TAF1L: variants seen among roughly 807,000 people sequenced by gnomAD.
TAF1L encodes transcription initiation factor TFIID subunit 1-like.
A neutral mutation model predicts 128.8 loss-of-function variants in TAF1L; 30 were observed. That is an observed-to-expected ratio of 0.23 (90% CI 0.17 to 0.32). The LOEUF is 0.32. Ranked by LOEUF, TAF1L falls within the 10% of genes least tolerant of loss-of-function variation. The pLI is 1.00. For missense variants in TAF1L, 2,099 were observed against 2,253.7 expected (o/e 0.93, Z 1.39); for synonymous variants, 764 against 790.7 (o/e 0.97, Z 0.57).
Position 32,632,415 on chromosome 9 carries a change from C to A in TAF1L, c.3165G>T (p.Gln1055His), listed in dbSNP as rs759680332. ...TCATGGGCCCCTCTCCAGAATGAGCCTGTTCTGTTGACATTGTGCGCACCA... is the reference window on the plus strand; with the variant it reads ...TCATGGGCCCCTCTCCAGAATGAGCATGTTCTGTTGACATTGTGCGCACCA... Reference protein sequence around the residue: ...IDVVRTMSTEQAHSGEGPMSK... With the variant: ...IDVVRTMSTEHAHSGEGPMSK... The change falls in exon 1 of 1, where the codon CAG (glutamine) becomes CAT (histidine). Residue 1055 changes from glutamine (Q) to histidine (H), a missense_variant. Physicochemically the swap from Gln to His is conservative, Grantham distance 24 (BLOSUM62 0). Transcript: ENST00000242310. This position sits in a 1 kb window ranked among gnomAD's most constrained non-coding sequence, Gnocchi z 4.4. 3 of 1,614,228 alleles carry A rather than the reference C, an allele frequency of 1.9e-6. No homozygotes were observed. In the South Asian group the frequency reaches 3.3e-5, roughly 18 times the overall value.
chr9:32,634,639 T>A lies in TAF1L; in HGVS notation c.941A>T (p.Asp314Val), dbSNP rs755515633. 11 of 1,613,696 alleles carry A rather than the reference T, an allele frequency of 6.8e-6. No individual in the cohort carries two copies. The East Asian group carries it at 2.5e-4, about 36-fold the overall frequency. ...EVSQKSLWNYDYAPPPPPEQC... is the reference protein window; with the variant it reads ...EVSQKSLWNYVYAPPPPPEQC... ...CTCTGGGGGTGGTGGTGGAGCATAG[T>A]CATAGTTCCACAAAGACTTCTGGCT... The change falls in exon 1 of 1, where the codon GAC becomes GTC. Residue 314 changes from aspartate to valine, a missense_variant. By Grantham distance (152) the Asp-to-Val change is radical. This residue lies in a region of TAF1L where 473 missense variants were observed against 429.6 expected (regional missense o/e 1.10). Transcript: ENST00000242310.
In TAF1L at chr9:32,632,361, AG is replaced by A. The variant is rs1206975880; in HGVS notation, c.3218del (p.Ser1073LeufsTer82). On this transcript the variant is annotated frameshift_variant, in exon 1 of 1. Coordinates refer to ENST00000242310, the MANE Select transcript of TAF1L (RefSeq NM_153809.2). LOFTEE classifies it high-confidence loss of function. The surrounding 1 kb of genome is among the most constrained non-coding windows in gnomAD (Gnocchi z 4.4). ...TGTAACGCTCTTGATGCTCAGCCAC[AG>A]AAAACCTTGATCCACGGGCAAATTT... is the stretch of plus-strand genomic sequence containing the variant. Reference protein sequence around the residue: ...MSKFARGSRFSVAEHQERYKE... With the variant: ...MSKFARGSRFXVAEHQERYKE... The A allele has an allele frequency of 6.2e-7, 1 of 1,614,116 alleles. No homozygotes were observed. The highest frequency in any genetic ancestry group is 8.5e-7 in the Non-Finnish European group (1 of 1,180,052).
Position 32,634,530 on chromosome 9 carries a change from C to T in TAF1L, c.1050G>A (p.Val350=), listed in dbSNP as rs1340092819. ...FSQSTGDVDK[V]TDTKPRVAEW... ...CAGCCACTCTTGGTTTGGTATCTGT[C>T]ACTTTATCTACATCTCCAGTTGATT... Residue 350 remains valine (V), a synonymous_variant, in exon 1 of 1, where the codon GTG becomes GTA. Transcript: ENST00000242310. The T allele has an allele frequency of 6.2e-7, 1 of 1,614,194 alleles. No individual in the cohort carries two copies. The highest frequency in any genetic ancestry group is 2.2e-5 in the East Asian group (1 of 44,880).
Position 32,631,393 on chromosome 9 carries a change from C to T in TAF1L, c.4187G>A (p.Arg1396His), listed in dbSNP as rs377752884. 3.4e-5 allele frequency: 55 copies of T among 1,613,966 alleles called. No individual in the cohort carries two copies. Among genetic ancestry groups the T allele is most frequent in the Non-Finnish European group, 4.3e-5 (51 of 1,180,036 alleles). The change falls in exon 1 of 1, where the codon CGC becomes CAC. Residue 1396 changes from arginine to histidine, a missense_variant. Around this residue, in one of 4 missense-constraint regions of TAF1L, gnomAD observed 1,213 missense variants for 1,391.4 expected, o/e 0.87. Transcript: ENST00000242310. The surrounding 1 kb of genome is among the most constrained non-coding windows in gnomAD (Gnocchi z 4.1). ...LNIPHKSIHR[R>H]RTDPMVTLSS... The stretch of plus-strand genomic sequence containing the variant: ...CAGCGTCACCATAGGGTCTGTGCGG[C>T]GTCGGTGGATGGACTTATGAGGTAT...
In TAF1L at chr9:32,634,925, G is replaced by T; in HGVS notation, c.655C>A (p.Gln219Lys). 6.2e-7 allele frequency: 1 copy of T among 1,614,154 alleles called. No homozygotes were observed. Among genetic ancestry groups the T allele is most frequent in the Non-Finnish European group, 8.5e-7 (1 of 1,180,042 alleles). Residue 219 changes from glutamine (Q) to lysine (K), a missense_variant, in exon 1 of 1, where the codon CAG becomes AAG. Physicochemically the swap from Gln to Lys is moderately conservative, Grantham distance 53. This residue lies in a region of TAF1L where 473 missense variants were observed against 429.6 expected (regional missense o/e 1.10). Transcript: ENST00000242310. ...ESEMGPQEATQAESEDGKLTL... is the reference protein window; with the variant it reads ...ESEMGPQEATKAESEDGKLTL... The stretch of plus-strand genomic sequence containing the variant: ...AGCTTTCCATCCTCAGATTCTGCCT[G>T]TGTTGCTTCCTGAGGTCCCATCTCA...
At position 32,635,235 on chromosome 9, in the gene TAF1L, C is replaced by T; in HGVS notation, c.345G>A (p.Val115=). The change falls in exon 1 of 1, where the codon GTG becomes GTA. Residue 115 remains valine, a synonymous_variant. Transcript: ENST00000242310. ...DAVDYSDINE[V]AEDESQRHQQ... ...GGTGTCTTTGGCTTTCATCTTCTGC[C>T]ACCTCATTGATGTCTGAATAGTCTA... The T allele has an allele frequency of 6.2e-7, 1 of 1,614,146 alleles. No homozygotes were observed. Among genetic ancestry groups the T allele is most frequent in the East Asian group, 2.2e-5 (1 of 44,876 alleles).
In TAF1L at chr9:32,635,454, G is replaced by A. The variant is rs144343622; in HGVS notation, c.126C>T (p.Phe42=). The A allele has an allele frequency of 1.2e-3, 1,932 of 1,614,132 alleles. 37 individuals carry two copies. The Admixed American group carries it at 0.03, about 25-fold the overall frequency. ...GGPFTLAGIL[F]GNISGAGQLE... ...GCTGCCCCGCTCCACTGATGTTGCC[G>A]AAAAGGATACCCGCTAAAGTAAATG... The change falls in exon 1 of 1, where the codon TTC becomes TTT. Residue 42 remains phenylalanine (F), a synonymous_variant. Transcript: ENST00000242310.
chr9:32,634,816 G>T lies in TAF1L; in HGVS notation c.764C>A (p.Pro255His), dbSNP rs148568657. 71 of 1,614,178 alleles carry T rather than the reference G, an allele frequency of 4.4e-5. No individual in the cohort carries two copies. The highest frequency in any genetic ancestry group is 6.0e-5 in the Non-Finnish European group (71 of 1,180,040). Reference sequence around the variant, plus strand: ...ATGTAGGAAGCGTAACACTTTTCCAGGTCGAAATTCTGGAAAAAGTTCGGT... The same window carrying T: ...ATGTAGGAAGCGTAACACTTTTCCATGTCGAAATTCTGGAAAAAGTTCGGT... ...SVTELFPEFR[P>H]GKVLRFLHLF... The change falls in exon 1 of 1, where the codon CCT becomes CAT. Residue 255 changes from proline to histidine, a missense_variant. Coordinates refer to ENST00000242310, the MANE Select transcript of TAF1L (RefSeq NM_153809.2).
chr9:32,632,422 G>A lies in TAF1L; in HGVS notation c.3158C>T (p.Thr1053Ile), dbSNP rs1226411139. Reference protein sequence around the residue: ...EVIDVVRTMSTEQAHSGEGPM... With the variant: ...EVIDVVRTMSIEQAHSGEGPM... ...CCCCTCTCCAGAATGAGCCTGTTCT[G>A]TTGACATTGTGCGCACCACATCAAT... Residue 1053 changes from threonine (T) to isoleucine (I), a missense_variant, in exon 1 of 1, where the codon ACA becomes ATA. This residue lies in a region of TAF1L where 1,213 missense variants were observed against 1,391.4 expected (regional missense o/e 0.87). Coordinates refer to ENST00000242310, the MANE Select transcript of TAF1L (RefSeq NM_153809.2). This position sits in a 1 kb window ranked among gnomAD's most constrained non-coding sequence, Gnocchi z 4.4. 6 of 1,614,212 alleles carry A rather than the reference G, an allele frequency of 3.7e-6. No individual in the cohort carries two copies. The highest frequency in any genetic ancestry group is 1.6e-4 in the Middle Eastern group (1 of 6,062).
chr9:32,629,816 A>C lies in TAF1L; in HGVS notation c.*283T>G, dbSNP rs1822493438. ...GGGGATTACAGGCGTGCACCACCAC[A>C]CCTGGCTAATTTTTGTATTTTTAGT... On this transcript the variant is annotated 3_prime_UTR_variant, in exon 1 of 1. Transcript: ENST00000242310. 1.8e-6 allele frequency: 1 copy of C among 563,334 alleles called. No homozygotes were observed. Among genetic ancestry groups the C allele is most frequent in the Non-Finnish European group, 3.1e-6 (1 of 320,504 alleles). 34.9% of individuals were successfully genotyped at this position (563,334 alleles called of 1,614,324 possible).
chr9:32,631,257 A>C lies in TAF1L; in HGVS notation c.4323T>G (p.Thr1441=). Residue 1441 remains threonine (T), a synonymous_variant, in exon 1 of 1, where the codon ACT becomes ACG. Coordinates refer to ENST00000242310, the MANE Select transcript of TAF1L (RefSeq NM_153809.2). The surrounding 1 kb of genome is among the most constrained non-coding windows in gnomAD (Gnocchi z 4.1). The part of the protein sequence containing the change: ...KVVKDYYKII[T]RPMDLQTLRE... ...GGAGTGTTTGTAGGTCCATTGGCCGAGTGATGATTTTGTAGTAGTCCTTTA... is the reference window on the plus strand; with the variant it reads ...GGAGTGTTTGTAGGTCCATTGGCCGCGTGATGATTTTGTAGTAGTCCTTTA... 1 of 1,614,034 alleles carries C rather than the reference A, an allele frequency of 6.2e-7. No homozygotes were observed. Among genetic ancestry groups the C allele is most frequent in the Non-Finnish European group, 8.5e-7 (1 of 1,180,010 alleles).
rs775176557 is a variant in TAF1L, at chr9:32,635,202, C to G, written c.378G>C (p.Thr126=). The G allele has an allele frequency of 6.2e-7, 1 of 1,614,050 alleles. No individual in the cohort carries two copies. The highest frequency in any genetic ancestry group is 1.3e-5 in the African/African-American group (1 of 74,906). Reference sequence around the variant, plus strand: ...GGTAAAGGGGCTGCAAGCTCCCCATCGTCTGCTGGTGTCTTTGGCTTTCAT... The same window carrying G: ...GGTAAAGGGGCTGCAAGCTCCCCATGGTCTGCTGGTGTCTTTGGCTTTCAT... ...AEDESQRHQQ[T]MGSLQPLYHS... The change falls in exon 1 of 1, where the codon ACG becomes ACC. Residue 126 remains threonine (T), a synonymous_variant. Coordinates refer to ENST00000242310, the MANE Select transcript of TAF1L (RefSeq NM_153809.2).
Position 32,632,116 on chromosome 9 carries a change from G to C in TAF1L, c.3464C>G (p.Ala1155Gly). 1 of 1,614,164 alleles carries C rather than the reference G, an allele frequency of 6.2e-7. No homozygotes were observed. The highest frequency in any genetic ancestry group is 1.1e-5 in the South Asian group (1 of 91,078). The stretch of plus-strand genomic sequence containing the variant: ...ATTGTTTCCTGATGCTGCTGAGCCT[G>C]CTACCAGTAGCATTCGCCGTAGTTC... ...RKELRRMLLV[A>G]GSAASGNNHR... is the part of the protein sequence containing the mutation. The change falls in exon 1 of 1, where the codon GCA (alanine) becomes GGA (glycine). Residue 1155 changes from alanine (A) to glycine (G), a missense_variant. This residue lies in a region of TAF1L where 1,213 missense variants were observed against 1,391.4 expected (regional missense o/e 0.87). Coordinates refer to ENST00000242310, the MANE Select transcript of TAF1L (RefSeq NM_153809.2). The surrounding 1 kb of genome is among the most constrained non-coding windows in gnomAD (Gnocchi z 4.4).
chr9:32,635,399 A>C lies in TAF1L; in HGVS notation c.181T>G (p.Cys61Gly), dbSNP rs773436654. ...LEGESVLDDECKKHLAGLGAL... is the reference protein window; with the variant it reads ...LEGESVLDDEGKKHLAGLGAL... ...CCCAAGCCTGCCAAGTGCTTCTTAC[A>C]CTCATCATCCAAGACGCTTTCCCCC... The change falls in exon 1 of 1, where the codon TGT becomes GGT. Residue 61 changes from cysteine (C) to glycine (G), a missense_variant. By Grantham distance (159) the Cys-to-Gly change is radical. Coordinates refer to ENST00000242310, the MANE Select transcript of TAF1L (RefSeq NM_153809.2). 1 of 1,613,668 alleles carries C rather than the reference A, an allele frequency of 6.2e-7. No homozygotes were observed.
rs752547797 is a variant in TAF1L at position 32,630,410 on chromosome 9, C to T, written c.5170G>A (p.Asp1724Asn). 10 of 1,614,220 alleles carry T rather than the reference C, an allele frequency of 6.2e-6. No homozygotes were observed. The highest frequency in any genetic ancestry group is 8.5e-6 in the Non-Finnish European group (10 of 1,180,040). Residue 1724 changes from aspartate (D) to asparagine (N), a missense_variant, in exon 1 of 1, where the codon GAT (aspartate) becomes AAT (asparagine). Physicochemically the swap from Asp to Asn is conservative, Grantham distance 23. Coordinates refer to ENST00000242310, the MANE Select transcript of TAF1L (RefSeq NM_153809.2). ...EDSDVDVEGY[D>N]DEEEDGKPKP... is the part of the protein sequence containing the mutation. Reference sequence around the variant, plus strand: ...GGTTTCCCATCCTCCTCCTCATCATCATACCCTTCAACATCCACATCAGAG... The same window carrying T: ...GGTTTCCCATCCTCCTCCTCATCATTATACCCTTCAACATCCACATCAGAG...
rs1564010624 is a variant in TAF1L, at chr9:32,630,393, A to C, written c.5187T>G (p.Asp1729Glu). 1.2e-6 allele frequency: 2 copies of C among 1,614,112 alleles called. No homozygotes were observed. The highest frequency in any genetic ancestry group is 8.5e-7 in the Non-Finnish European group (1 of 1,180,014). The change falls in exon 1 of 1, where the codon GAT (aspartate) becomes GAG (glutamate). Residue 1729 changes from aspartate (D) to glutamate (E), a missense_variant. By Grantham distance (45) the Asp-to-Glu change is conservative. Transcript: ENST00000242310. ...CTGGGGCTGGAGGCTTAGGTTTCCC[A>C]TCCTCCTCCTCATCATCATACCCTT... ...DVEGYDDEEE[D>E]GKPKPPAPEG...
chr9:32,630,937 T>C lies in TAF1L; in HGVS notation c.4643A>G (p.His1548Arg). Residue 1548 changes from histidine to arginine, a missense_variant, in exon 1 of 1, where the codon CAT becomes CGT. Around this residue, in one of 4 missense-constraint regions of TAF1L, gnomAD observed 404 missense variants for 406.5 expected, o/e 0.99. Coordinates refer to ENST00000242310, the MANE Select transcript of TAF1L (RefSeq NM_153809.2). ...AACAAACTTCTTATTAACTGGGTGA[T>C]GAAATGGCCAAGAATCTGGAACTGC... ...MMAVPDSWPFHHPVNKKFVPD... is the reference protein window; with the variant it reads ...MMAVPDSWPFRHPVNKKFVPD... 5.0e-6 allele frequency: 8 copies of C among 1,614,220 alleles called. No individual in the cohort carries two copies. Among genetic ancestry groups the C allele is most frequent in the South Asian group, 1.1e-5 (1 of 91,092 alleles).
In TAF1L at chr9:32,633,217, T is replaced by C. The variant is rs763328727; in HGVS notation, c.2363A>G (p.Gln788Arg). The change falls in exon 1 of 1, where the codon CAG becomes CGG. Residue 788 changes from glutamine to arginine, a missense_variant. By Grantham distance (43) the Gln-to-Arg change is conservative. Coordinates refer to ENST00000242310, the MANE Select transcript of TAF1L (RefSeq NM_153809.2). ...CACTAATTCCCGAATATAGTAACCC[T>C]GTCTTGTCCGAATGATCAGAAAATC... ...ETDFLIIRTR[Q>R]GYYIRELVDI... The C allele has an allele frequency of 1.9e-6, 3 of 1,614,192 alleles. No individual in the cohort carries two copies. Among genetic ancestry groups the C allele is most frequent in the East Asian group, 2.2e-5 (1 of 44,884 alleles).
At position 32,631,560 on chromosome 9, in the gene TAF1L, G is replaced by C; in HGVS notation, c.4020C>G (p.Thr1340=). ...DNEELIKVEG[T]KIVFGKQLIE... is the part of the protein sequence containing the mutation. The stretch of plus-strand genomic sequence containing the variant: ...TTAGCTGTTTCCCGAAGACAATTTT[G>C]GTCCCTTCAACCTTGATAAGTTCTT... Residue 1340 remains threonine (T), a synonymous_variant, in exon 1 of 1, where the codon ACC becomes ACG. Coordinates refer to ENST00000242310, the MANE Select transcript of TAF1L (RefSeq NM_153809.2). The surrounding 1 kb of genome is among the most constrained non-coding windows in gnomAD (Gnocchi z 4.1). 6.2e-7 allele frequency: 1 copy of C among 1,614,016 alleles called. No homozygotes were observed. The highest frequency in any genetic ancestry group is 8.5e-7 in the Non-Finnish European group (1 of 1,179,998).
Sources: allele counts gnomAD v4.1 joint callset, GRCh38; gene constraint gnomAD v4.1.1; regional missense constraint gnomAD v4.1.1; non-coding constraint Gnocchi (gnomAD v3.1); transcripts MANE v1.5; gene names NCBI Gene and HGNC (gene_info 2026-07-23, HGNC 2026-07-21).